Variants in ELAPOR1 observed in about 807,000 individuals in gnomAD.
ELAPOR1 encodes endosome-lysosome associated apoptosis and autophagy regulator 1.
Under a neutral mutation model 119.7 loss-of-function variants are expected in ELAPOR1, and 77 were observed. The ratio of observed to expected loss-of-function variants is 0.64; its 90% CI spans 0.54 to 0.78. The LOEUF (loss-of-function observed/expected upper bound fraction) is 0.78, where lower values mean the gene tolerates loss of function less well. ELAPOR1 is among the 30% of genes least tolerant of loss of function. The pLI is 0.00. For missense variants in ELAPOR1, 1,115 were observed against 1,270.4 expected (o/e 0.88, Z 1.86); for synonymous variants, 481 against 487.2 (o/e 0.99, Z 0.17).
chr1:109,154,528 G>A (rs1194669161), intron 1 of ELAPOR1, among the ~76,000 whole-genome samples: 2 of 152,098 alleles, frequency 1.3e-5, no homozygotes, highest in South Asian at 2.1e-4. Context: ...ACTAGCCCTC[G>A]TATCCCCTGA....
chr1:109,164,416 C>A, intron 2 of ELAPOR1, 83 bp from the exon 3 acceptor site: 1 of 1,232,290 alleles, frequency 8.1e-7, no homozygotes, highest in East Asian at 2.4e-5. Context: ...CCCAGCGCTC[C>A]TCCCTTCAGC....
chr1:109,186,609 C>T, intron 8 of ELAPOR1: 1 of 985,434 alleles, frequency 1.0e-6, no homozygotes, highest in Non-Finnish European at 1.2e-6. Context: ...GTCAGTTGCA[C>T]CTTAGACTCA....
At chr1:109,173,451 A>G (rs368534948) in intron 5 of ELAPOR1, 23 bp from the exon 6 acceptor site, 445 of 1,593,762 alleles carry the variant, frequency 2.8e-4, no homozygotes, top group Non-Finnish European at 3.4e-4. Context: ...TGATGAATGA[A>G]TGCTCCTGTT....
intron 1 of ELAPOR1, among the ~76,000 whole-genome samples, chr1:109,116,780 T>C (rs957665846): frequency 1.4e-5 from 2 of 144,976 alleles, no homozygotes; most frequent in Non-Finnish European, 3.0e-5. Flanking sequence ...AGCTTCCACC[T>C]CCCAGGCTCA....
At chr1:109,145,761 T>C (rs1650139151) in intron 1 of ELAPOR1, among the ~76,000 whole-genome samples, 1 of 152,152 alleles carries the variant, frequency 6.6e-6, no homozygotes, top group Non-Finnish European at 1.5e-5. Flanking sequence ...AAAACATTAC[T>C]CCATGCAGCA....
chr1:109,173,583 C>T lies in ELAPOR1; in HGVS notation c.802+4C>T, dbSNP rs1652059020. On this transcript the variant is annotated splice_donor_region_variant and intron_variant, in intron 6 of 21. Coordinates refer to ENST00000369939, the MANE Select transcript of ELAPOR1 (RefSeq NM_020775.5). ...GTGAGAAACATTGCCATAACAGGTA[C>T]TGAGAGCAGGGTTACTGACTTCCTG... 5.6e-6 allele frequency: 9 copies of T among 1,613,894 alleles called. No individual in the cohort carries two copies. The highest frequency in any genetic ancestry group is 6.8e-6 in the Non-Finnish European group (8 of 1,179,780).
intron 8 of ELAPOR1, chr1:109,187,609 G>A (rs1324974745): frequency 2.0e-6 from 2 of 1,002,248 alleles, no homozygotes; most frequent in Non-Finnish European, 2.4e-6. Flanking sequence ...GGTCTCCTGC[G>A]GGTCATCTCC....
At chr1:109,185,196 T>TA (rs1652972341) in intron 8 of ELAPOR1, 63 bp downstream of exon 8, 2 of 1,271,240 alleles carry the variant, frequency 1.6e-6, no homozygotes, top group Non-Finnish European at 2.3e-6. Context: ...CCCTGAGGTT[T>TA]GCCACCATTT....
chr1:109,173,475 T>C lies in ELAPOR1; in HGVS notation c.698T>C (p.Val233Ala). Residue 233 changes from valine (V) to alanine (A), a missense_variant and splice_region_variant, in exon 6 of 22, where the codon GTG becomes GCG. Physicochemically the swap from Val to Ala is moderately conservative, Grantham distance 64. Coordinates refer to ENST00000369939, the MANE Select transcript of ELAPOR1 (RefSeq NM_020775.5). ...TTEKGWEFHSVELNRGNNVLY... is the reference protein window; with the variant it reads ...TTEKGWEFHSAELNRGNNVLY... ...AATGCTCCTGTTTGTGGTTTTTAGGTGGAGCTAAATCGAGGCAATAATGTC... is the reference window on the plus strand; with the variant it reads ...AATGCTCCTGTTTGTGGTTTTTAGGCGGAGCTAAATCGAGGCAATAATGTC... 6.2e-7 allele frequency: 1 copy of C among 1,613,428 alleles called. No individual in the cohort carries two copies. The highest frequency in any genetic ancestry group is 8.5e-7 in the Non-Finnish European group (1 of 1,179,642).
chr1:109,150,149 A>G (rs1418447380), intron 1 of ELAPOR1, among the ~76,000 whole-genome samples: 1 of 152,230 alleles, frequency 6.6e-6, no homozygotes, highest in Non-Finnish European at 1.5e-5. Flanking sequence ...TGCCTGGCCC[A>G]GAGCGTGGTG....
At position 109,199,922 on chromosome 1, in the gene ELAPOR1, C is replaced by G; in HGVS notation, c.2570C>G (p.Pro857Arg). The change falls in exon 19 of 22, where the codon CCG becomes CGG. Residue 857 changes from proline to arginine, a missense_variant. By Grantham distance (103) the Pro-to-Arg change is moderately radical (BLOSUM62 -2). Transcript: ENST00000369939. ...CTGTGGGAGAGCGCGGCTGCTTGCC[C>G]GCTCTGCTCAGTGGCTGACTACCAT... ...HFLWESAAAC[P>R]LCSVADYHAI... is the part of the protein sequence containing the mutation. The G allele has an allele frequency of 1.2e-6, 2 of 1,614,020 alleles. No homozygotes were observed. Among genetic ancestry groups the G allele is most frequent in the Non-Finnish European group, 1.7e-6 (2 of 1,180,034 alleles).
rs1487768237 is a variant in ELAPOR1, at chr1:109,199,851, T to C, written c.2502-3T>C. ...AGCTCAGGTCTCTTTTCTGCTTTGC[T>C]AGAACGTGCTCGGATGGGACCTGTG... is the stretch of plus-strand genomic sequence containing the variant. On this transcript the variant is annotated splice_polypyrimidine_tract_variant and splice_region_variant and intron_variant, in intron 18 of 21. Coordinates refer to ENST00000369939, the MANE Select transcript of ELAPOR1 (RefSeq NM_020775.5). 4 of 1,610,876 alleles carry C rather than the reference T, an allele frequency of 2.5e-6. No homozygotes were observed. Among genetic ancestry groups the C allele is most frequent in the Non-Finnish European group, 3.4e-6 (4 of 1,180,014 alleles).
intron 15 of ELAPOR1, among the ~76,000 whole-genome samples, chr1:109,195,508 A>C (rs1201122043): frequency 1.2e-4 from 18 of 151,638 alleles, no homozygotes; most frequent in South Asian, 2.1e-4. Flanking sequence ...AAAAAAAAAA[A>C]CAAAAAAGCA....
chr1:109,197,325 G>A (rs1001590591), intron 15 of ELAPOR1, 149 bp from the exon 16 acceptor site: 12 of 696,238 alleles, frequency 1.7e-5, no homozygotes, highest in East Asian at 1.0e-4. Context: ...AATCTGTCTC[G>A]TCATTAGACC....
rs1247819107 is a variant in ELAPOR1, at chr1:109,197,962, G to T, written c.2303-17G>T. On this transcript the variant is annotated splice_polypyrimidine_tract_variant and intron_variant, in intron 16 of 21. Coordinates refer to ENST00000369939, the MANE Select transcript of ELAPOR1 (RefSeq NM_020775.5). ...AATGCTACTAGTGAGAACTAATTAG[G>T]AGCTCTAATTTGGCAGGGGTGACAA... The T allele has an allele frequency of 4.4e-6, 7 of 1,596,914 alleles. No individual in the cohort carries two copies. In the Admixed American group the frequency reaches 1.2e-4, roughly 27 times the overall value.
intron 1 of ELAPOR1, among the ~76,000 whole-genome samples, chr1:109,124,786 A>G (rs191090819): frequency 6.6e-6 from 1 of 152,350 alleles, no homozygotes; most frequent in Admixed American, 6.5e-5. Flanking sequence ...TTCTTGGTCC[A>G]TAACTGAGGA....
At chr1:109,186,984 T>G in intron 8 of ELAPOR1, 1 of 985,448 alleles carries the variant, frequency 1.0e-6, no homozygotes, top group Non-Finnish European at 1.2e-6. Flanking sequence ...CTTTCAGGAG[T>G]GCGCATGAAC....
intron 7 of ELAPOR1, among the ~76,000 whole-genome samples, chr1:109,182,049 C>T (rs589266): frequency 0.81 from 123,414 of 152,192 alleles, 50,654 homozygotes; most frequent in East Asian, 1. Context: ...AAATAATTCC[C>T]GGCTGGGCAT....
At chr1:109,171,107 G>A (rs539529662) in intron 3 of ELAPOR1, among the ~76,000 whole-genome samples, 2 of 152,286 alleles carry the variant, frequency 1.3e-5, no homozygotes, top group Admixed American at 6.5e-5. Flanking sequence ...GCCACTCGCT[G>A]CTTCGTAATA....
Sources: gnomAD v4.1 joint callset for allele counts (sites outside exome capture counted in the v4.1 genomes callset) on GRCh38, gnomAD v4.1.1 for gene constraint, MANE v1.5 for transcripts, NCBI Gene and HGNC (gene_info 2026-07-23, HGNC 2026-07-21) for gene names.